BMS1: variants seen among roughly 807,000 people sequenced by gnomAD.
BMS1 encodes the protein BMS1 ribosome biogenesis factor.
BMS1 carries 53 observed loss-of-function variants against 138.7 expected under a neutral mutation model. The ratio of observed to expected loss-of-function variants is 0.38; its 90% CI spans 0.31 to 0.48. The LOEUF is 0.48. Ranked by LOEUF, BMS1 falls within the 20% of genes least tolerant of loss-of-function variation. The probability of loss-of-function intolerance (pLI) is 0.97; values close to 1 mark genes in which losing one functional copy is unlikely to be tolerated. For missense variants in BMS1, 1,360 were observed against 1,565.5 expected (o/e 0.87, Z 2.22); for synonymous variants, 504 against 539.9 (o/e 0.93, Z 0.92).
At chr10:42,795,261 T>G (rs1032163420) in intron 9 of BMS1, among the ~76,000 whole-genome samples, 1 of 152,162 alleles carries the variant, frequency 6.6e-6, no homozygotes, top group Non-Finnish European at 1.5e-5. Context: ...TGATTTATAG[T>G]CCTTTGTCAT....
At chr10:42,827,400 G>C (rs570018843) in intron 21 of BMS1, among the ~76,000 whole-genome samples, 1 of 152,204 alleles carries the variant, frequency 6.6e-6, no homozygotes, top group Admixed American at 6.5e-5. Context: ...GTGGCCCACC[G>C]GCCACTAGGT....
At chr10:42,797,316 G>T in intron 10 of BMS1, 85 bp downstream of exon 10, 1 of 1,577,156 alleles carries the variant, frequency 6.3e-7, no homozygotes, top group South Asian at 1.2e-5. Context: ...GGGGTCTGTT[G>T]ATTCTGTGAT....
chr10:42,812,916 T>C (rs904432972), intron 13 of BMS1, among the ~76,000 whole-genome samples: 1 of 152,142 alleles, frequency 6.6e-6, no homozygotes, highest in African/African-American at 2.4e-5. Context: ...CCTTTGCTGC[T>C]GGGTGGCGGG....
At chr10:42,816,698 T>A (rs753380985) in intron 14 of BMS1, 26 bp downstream of exon 14, 1 of 1,594,012 alleles carries the variant, frequency 6.3e-7, no homozygotes. Flanking sequence ...AGCTGGCTGT[T>A]CTTGGTCATT....
Position 42,797,086 on chromosome 10 carries a change from A to C in BMS1, c.1842A>C (p.Arg614Ser). 6.2e-7 allele frequency: 1 copy of C among 1,614,234 alleles called. No homozygotes were observed. Among genetic ancestry groups the C allele is most frequent in the Non-Finnish European group, 8.5e-7 (1 of 1,180,030 alleles). ...EEDSENEEAI[R>S]KKLSKPSQVS... ...ACTCAGAAAATGAAGAGGCTATTAG[A>C]AAAAAGCTTTCAAAGCCTTCTCAAG... The change falls in exon 10 of 23, where the codon AGA becomes AGC. Residue 614 changes from arginine (R) to serine (S), a missense_variant. Coordinates refer to ENST00000374518, the MANE Select transcript of BMS1 (RefSeq NM_014753.4).
chr10:42,828,398 A>G (rs1842714542), intron 21 of BMS1, among the ~76,000 whole-genome samples: 1 of 152,062 alleles, frequency 6.6e-6, no homozygotes. Flanking sequence ...CCTTAACACT[A>G]AGGTCTGGAT....
chr10:42,807,470 T>G (rs1588733060), intron 13 of BMS1, among the ~76,000 whole-genome samples: 2 of 152,174 alleles, frequency 1.3e-5, no homozygotes, highest in Middle Eastern at 6.8e-3. Context: ...TTACAGTTTG[T>G]TTTGTTTTGT....
chr10:42,807,688 GT>G (rs1165598239), intron 13 of BMS1, among the ~76,000 whole-genome samples: 1 of 152,138 alleles, frequency 6.6e-6, no homozygotes, highest in Non-Finnish European at 1.5e-5. Context: ...GGATCTTGCT[GT>G]GTTGCTCAGG....
At position 42,796,454 on chromosome 10, in the gene BMS1, G is replaced by A; in HGVS notation, c.1230-20G>A. 6.3e-7 allele frequency: 1 copy of A among 1,589,750 alleles called. No individual in the cohort carries two copies. Among genetic ancestry groups the A allele is most frequent in the Non-Finnish European group, 8.6e-7 (1 of 1,165,068 alleles). On this transcript the variant is annotated intron_variant, in intron 9 of 22. Transcript: ENST00000374518. ...ATTAATGTACAAATTGAATTATTTT[G>A]TATTTCCTTGGTAATACAGGCTAAT...
At chr10:42,829,730 G>C (rs1842748754) in intron 21 of BMS1, among the ~76,000 whole-genome samples, 1 of 152,002 alleles carries the variant, frequency 6.6e-6, no homozygotes, top group Admixed American at 6.6e-5. Flanking sequence ...GCTGAGACAG[G>C]AGAATTGCTT....
At chr10:42,814,275 G>C (rs903432433) in intron 13 of BMS1, among the ~76,000 whole-genome samples, 13 of 152,110 alleles carry the variant, frequency 8.5e-5, no homozygotes, top group African/African-American at 2.9e-4. Context: ...CTGTTCATTT[G>C]TTTTCAGGTT....
rs1287522560 is a variant in BMS1 at position 42,834,080 on chromosome 10, A to G, written c.*2984A>G. On this transcript the variant is annotated 3_prime_UTR_variant, in exon 23 of 23. Coordinates refer to ENST00000374518, the MANE Select transcript of BMS1 (RefSeq NM_014753.4). The stretch of plus-strand genomic sequence containing the variant: ...TGTAAATTGTAAAAATTATTCTGTT[A>G]TACCTTTTCTATTTACTAGGCACAG... 1 of 152,208 alleles carries G rather than the reference A, an allele frequency of 6.6e-6. No homozygotes were observed. Among genetic ancestry groups the G allele is most frequent in the Non-Finnish European group, 1.5e-5 (1 of 68,028 alleles). The allele number at this position is 152,208 out of a possible 1,614,324, so 9.4% of individuals were successfully genotyped here.
At chr10:42,816,729 A>G (rs1588747172) in intron 14 of BMS1, 57 bp downstream of exon 14, 6 of 1,398,936 alleles carry the variant, frequency 4.3e-6, no homozygotes, top group East Asian at 4.6e-5. Flanking sequence ...AGAGGCCCAC[A>G]TTGAGAAATG....
At chr10:42,802,079 G>C (rs1228655612) in intron 12 of BMS1, 58 bp from the exon 13 acceptor site, 22 of 1,372,448 alleles carry the variant, frequency 1.6e-5, no homozygotes, top group Non-Finnish European at 2.0e-5. Context: ...CCATTTCTTA[G>C]AGTTGTTTTG....
chr10:42,785,801 G>A (rs892939972), intron 3 of BMS1, 129 bp downstream of exon 3: 23 of 1,020,434 alleles, frequency 2.3e-5, no homozygotes, highest in Admixed American at 1.5e-4. Flanking sequence ...CTTATACTTA[G>A]TATTACTAAG....
chr10:42,792,838 CCTT>C (rs1370015894), intron 7 of BMS1, 116 bp from the exon 8 acceptor site: 2 of 1,328,140 alleles, frequency 1.5e-6, no homozygotes, highest in Admixed American at 2.3e-5. Context: ...GGCACAATGC[CCTT>C]CTTTAGTGTT....
rs747410468 is a variant in BMS1, at chr10:42,785,671, A to G, written c.366A>G (p.Ser122=). The G allele has an allele frequency of 1.9e-5, 31 of 1,612,744 alleles. No individual in the cohort carries two copies. Among genetic ancestry groups the G allele is most frequent in the Non-Finnish European group, 2.2e-5 (26 of 1,179,014 alleles). ...TEIRGPVTIV[S]GKKRRLTIIE... is the part of the protein sequence containing the mutation. ...TCAGAGGCCCTGTGACGATTGTGTC[A>G]GGTAGGAGATGCCACCACAGACACA... is the stretch of plus-strand genomic sequence containing the variant. Residue 122 remains serine (S), a splice_region_variant and synonymous_variant, in exon 3 of 23, where the codon TCA becomes TCG. Transcript: ENST00000374518.
intron 12 of BMS1, among the ~76,000 whole-genome samples, chr10:42,801,752 C>A (rs949721300): frequency 1.3e-5 from 2 of 152,142 alleles, no homozygotes; most frequent in Admixed American, 1.3e-4. Context: ...GATATCTTCT[C>A]CCATGTTATA....
chr10:42,790,248 T>G, intron 4 of BMS1, 75 bp from the exon 5 acceptor site: 2 of 1,461,542 alleles, frequency 1.4e-6, no homozygotes, highest in Non-Finnish European at 9.5e-7. Context: ...ATTTTGCCCG[T>G]GGCCAGTTGC....
Sources: gnomAD v4.1 joint callset for allele counts (sites outside exome capture counted in the v4.1 genomes callset) on GRCh38, gnomAD v4.1.1 for gene constraint, MANE v1.5 for transcripts, NCBI Gene and HGNC (gene_info 2026-07-23, HGNC 2026-07-21) for gene names.